SLC15A1: variants seen among roughly 807,000 people sequenced by gnomAD.
The protein encoded by SLC15A1 is solute carrier family 15 member 1.
In SLC15A1, 83 loss-of-function variants were observed where a neutral mutation model predicts 92.9. The ratio of observed to expected loss-of-function variants is 0.89; its 90% CI spans 0.75 to 1.07. The LOEUF (loss-of-function observed/expected upper bound fraction) is 1.07, where lower values mean the gene tolerates loss of function less well. SLC15A1 is among the 50% of genes least tolerant of loss of function. SLC15A1 has a pLI of 0.00. For missense variants in SLC15A1, 857 were observed against 880.1 expected (o/e 0.97, Z 0.33); for synonymous variants, 322 against 318.2 (o/e 1.01, Z -0.13).
At chr13:98,716,695 C>T (rs1292385608) in intron 8 of SLC15A1, among the ~76,000 whole-genome samples, 1 of 152,014 alleles carries the variant, frequency 6.6e-6, no homozygotes, top group Admixed American at 6.6e-5. Context: ...TTTTCTTTCT[C>T]TTTTTAATAT....
At chr13:98,685,984 C>CAAA (rs869045159) in intron 22 of SLC15A1, among the ~76,000 whole-genome samples, 1 of 103,294 alleles carries the variant, frequency 9.7e-6, no homozygotes, top group Non-Finnish European at 2.2e-5. Flanking sequence ...GACTCCGTCT[C>CAAA]AAAAAAAAAA....
intron 11 of SLC15A1, 90 bp downstream of exon 11, chr13:98,711,764 G>C (rs2088164644): frequency 1.2e-6 from 1 of 852,322 alleles, no homozygotes; most frequent in Admixed American, 2.2e-5. Context: ...GAACTTTTTA[G>C]ATGTGAAATA....
At chr13:98,722,317 C>T (rs1353563187) in intron 5 of SLC15A1, among the ~76,000 whole-genome samples, 3 of 151,966 alleles carry the variant, frequency 2.0e-5, no homozygotes, top group East Asian at 3.8e-4. Context: ...CATTGCAAAG[C>T]GGAATATCAG....
chr13:98,749,570 C>T (rs1056392450), intron 1 of SLC15A1, among the ~76,000 whole-genome samples: 10 of 152,156 alleles, frequency 6.6e-5, no homozygotes. Flanking sequence ...ACGAAGGCTT[C>T]GGAGGCTGCT....
chr13:98,705,893 T>TAAAAA (rs58621986), intron 16 of SLC15A1, among the ~76,000 whole-genome samples: 1 of 142,942 alleles, frequency 7.0e-6, no homozygotes, highest in Non-Finnish European at 1.5e-5. Flanking sequence ...AGACTCCATC[T>TAAAAA]AAAAAAAAAA....
chr13:98,720,595 T>G (rs1786085803), intron 7 of SLC15A1: 1 of 158,474 alleles, frequency 6.3e-6, no homozygotes, highest in Non-Finnish European at 1.4e-5. Context: ...CTTGTTAGTT[T>G]GTCACCAGTA....
In SLC15A1 at chr13:98,687,604, C is replaced by A; in HGVS notation, c.1804G>T (p.Gly602Ter). The stretch of plus-strand genomic sequence containing the variant: ...ACCTGAGAATATGAGAATTCCAATC[C>A]CGTGACAGAGAAGACCACTTCGCCA... ...TCGEVVFSVT[G>*]LEFSYSQAPS... Residue 602 changes from glycine (G) to a stop codon, truncating the protein, a stop_gained, in exon 21 of 23, where the codon GGA becomes TGA. Transcript: ENST00000376503. LOFTEE classifies it high-confidence loss of function. The A allele has an allele frequency of 6.2e-7, 1 of 1,613,968 alleles. No homozygotes were observed. Among genetic ancestry groups the A allele is most frequent in the Non-Finnish European group, 8.5e-7 (1 of 1,179,976 alleles).
intron 4 of SLC15A1, 57 bp downstream of exon 4, chr13:98,726,066 C>G (rs2088295817): frequency 1.3e-6 from 2 of 1,596,704 alleles, no homozygotes; most frequent in East Asian, 2.2e-5. Context: ...TTCCCAACTA[C>G]AAAACCTACA....
chr13:98,708,768 C>T lies in SLC15A1; in HGVS notation c.1068-1G>A. 1 of 1,608,882 alleles carries T rather than the reference C, an allele frequency of 6.2e-7. No homozygotes were observed. Among genetic ancestry groups the T allele is most frequent in the South Asian group, 1.1e-5 (1 of 90,092 alleles). On this transcript the variant is annotated splice_acceptor_variant, in intron 14 of 22. Transcript: ENST00000376503. LOFTEE classifies it high-confidence loss of function. The stretch of plus-strand genomic sequence containing the variant: ...GCCAACTGCCATCTTCTTCAAGGAG[C>T]TGATGGCACAAGAGAAGAGTGACTC...
chr13:98,702,399 G>A, intron 18 of SLC15A1, 81 bp downstream of exon 18: 1 of 946,266 alleles, frequency 1.1e-6, no homozygotes, highest in Non-Finnish European at 1.7e-6. Flanking sequence ...TTATATCCTT[G>A]TTACATTTGG....
chr13:98,713,270 C>T (rs546940455), intron 9 of SLC15A1, among the ~76,000 whole-genome samples: 7 of 152,032 alleles, frequency 4.6e-5, no homozygotes, highest in African/African-American at 1.7e-4. Context: ...CCATTTTGTC[C>T]AGACTGGTCT....
chr13:98,724,301 C>T (rs374703391), intron 4 of SLC15A1, among the ~76,000 whole-genome samples: 47 of 152,136 alleles, frequency 3.1e-4, no homozygotes, highest in Admixed American at 9.2e-4. Flanking sequence ...CTCAGGAGTT[C>T]GACACCAGCC....
At chr13:98,696,050 G>T (rs1167877282) in intron 18 of SLC15A1, among the ~76,000 whole-genome samples, 2 of 151,632 alleles carry the variant, frequency 1.3e-5, no homozygotes, top group Non-Finnish European at 2.9e-5. Context: ...CATGGGTGGG[G>T]TAGTCAAGTG....
chr13:98,698,923 T>C (rs2088044829), intron 18 of SLC15A1, among the ~76,000 whole-genome samples: 2 of 152,138 alleles, frequency 1.3e-5, no homozygotes, highest in South Asian at 4.1e-4. Flanking sequence ...AACGTTGAGG[T>C]GAACAGGATA....
At chr13:98,715,089 T>C (rs745818674) in intron 9 of SLC15A1, among the ~76,000 whole-genome samples, 4 of 151,934 alleles carry the variant, frequency 2.6e-5, no homozygotes, top group Non-Finnish European at 4.4e-5. Flanking sequence ...TTGCAGCAAT[T>C]TGTGGGCTTA....
chr13:98,750,263 C>A (rs546147366), intron 1 of SLC15A1, among the ~76,000 whole-genome samples: 15 of 152,242 alleles, frequency 9.9e-5, no homozygotes, highest in African/African-American at 3.6e-4. Context: ...CAGGCACATG[C>A]CACCATGCCC....
intron 16 of SLC15A1, among the ~76,000 whole-genome samples, chr13:98,704,948 C>T (rs1291008404): frequency 6.6e-6 from 1 of 152,010 alleles, no homozygotes; most frequent in Non-Finnish European, 1.5e-5. Flanking sequence ...CCTGTAATCC[C>T]AGCACTTTGG....
At chr13:98,702,872 T>C (rs555232891) in intron 17 of SLC15A1, among the ~76,000 whole-genome samples, 2 of 150,564 alleles carry the variant, frequency 1.3e-5, no homozygotes, top group Admixed American at 1.3e-4. Flanking sequence ...GAATCATTTG[T>C]TGAAAATTAT....
At chr13:98,736,696 A>T (rs902371545) in intron 1 of SLC15A1, among the ~76,000 whole-genome samples, 1 of 152,254 alleles carries the variant, frequency 6.6e-6, no homozygotes, top group Admixed American at 6.5e-5. Context: ...ATGAACAGAC[A>T]CTTCTCAAAA....
Sources: gnomAD v4.1 joint callset for allele counts (sites outside exome capture counted in the v4.1 genomes callset) on GRCh38, gnomAD v4.1.1 for gene constraint, MANE v1.5 for transcripts, NCBI Gene and HGNC (gene_info 2026-07-23, HGNC 2026-07-21) for gene names.